Variants in KCNIP1 observed in about 807,000 individuals in gnomAD.
The protein encoded by KCNIP1 is A-type potassium channel modulatory protein KCNIP1.
KCNIP1 carries 18 observed loss-of-function variants against 33.0 expected under a neutral mutation model. The ratio of observed to expected loss-of-function variants is 0.55; its 90% confidence interval spans 0.38 to 0.81. The LOEUF is 0.81. Among genes scored for constraint, KCNIP1 ranks in the 30% least tolerant of loss-of-function variants. The pLI, the probability that KCNIP1 is intolerant of heterozygous loss-of-function variation, is 0.00. For missense variants in KCNIP1, 238 were observed against 271.6 expected, an observed-to-expected ratio of 0.88 and a Z score of 0.87; for synonymous variants, 93 against 98.3, an observed-to-expected ratio of 0.95 and a Z score of 0.32.
intron 1 of KCNIP1, among the ~76,000 whole-genome samples, chr5:170,684,888 G>A (rs990099682): frequency 6.6e-6 from 1 of 152,120 alleles, no homozygotes; most frequent in African/African-American, 2.4e-5. Flanking sequence ...TTACTTACAT[G>A]TTGACTTGAA....
intron 4 of KCNIP1, among the ~76,000 whole-genome samples, chr5:170,722,108 G>T (rs1159671053): frequency 3.9e-5 from 6 of 152,172 alleles, no homozygotes; most frequent in South Asian, 2.1e-4. Context: ...GGACTCAGGG[G>T]ACTAATAACA....
intron 1 of KCNIP1, among the ~76,000 whole-genome samples, chr5:170,701,186 A>G (rs1457762934): frequency 6.6e-6 from 1 of 152,238 alleles, no homozygotes; most frequent in Non-Finnish European, 1.5e-5. Context: ...CTTATAGGCG[A>G]AAAGGGTTTC....
At chr5:170,459,121 C>A (rs550361781) in intron 1 of KCNIP1, among the ~76,000 whole-genome samples, 1 of 151,960 alleles carries the variant, frequency 6.6e-6, no homozygotes, top group African/African-American at 2.4e-5. Flanking sequence ...TGATAAAAGG[C>A]CTTGACCAAC....
chr5:170,517,689 G>T (rs1287750231), intron 1 of KCNIP1, among the ~76,000 whole-genome samples: 3 of 151,870 alleles, frequency 2.0e-5, no homozygotes, highest in African/African-American at 2.4e-5. Context: ...AGTGACGGTG[G>T]TGATGATGGT....
intron 1 of KCNIP1, among the ~76,000 whole-genome samples, chr5:170,519,964 G>T (rs1035020787): frequency 6.6e-6 from 1 of 152,110 alleles, no homozygotes; most frequent in Non-Finnish European, 1.5e-5. Flanking sequence ...ATGAAGAAAT[G>T]AACAGAATCT....
intron 1 of KCNIP1, among the ~76,000 whole-genome samples, chr5:170,614,257 A>G (rs779014727): frequency 1.3e-5 from 2 of 152,200 alleles, no homozygotes; most frequent in Non-Finnish European, 2.9e-5. Flanking sequence ...TTGGGAGAAA[A>G]GGAATGCTGT....
At chr5:170,416,062 G>A (rs1467129107) in intron 1 of KCNIP1, among the ~76,000 whole-genome samples, 1 of 152,096 alleles carries the variant, frequency 6.6e-6, no homozygotes, top group Admixed American at 6.5e-5. Flanking sequence ...TGCAAACTCA[G>A]TTCCAGGAGT....
chr5:170,390,517 A>AAAAAAAAAAAAAAAAAAAAATATAT, intron 1 of KCNIP1, among the ~76,000 whole-genome samples: 2 of 74,546 alleles, frequency 2.7e-5, no homozygotes, highest in African/African-American at 1.3e-4. Flanking sequence ...AAAAAAAACA[A>AAAAAAAAAAAAAAAAAAAAATATAT]ATATATATAT....
In KCNIP1 at chr5:170,504,206, A is replaced by C; in HGVS notation, c.-367A>C. ...GGGCGGACGGCGGCTCCCGCACCGCACGCGGCGCTGGCTCGGCAGCCTCGG... is the reference window on the plus strand; with the variant it reads ...GGGCGGACGGCGGCTCCCGCACCGCCCGCGGCGCTGGCTCGGCAGCCTCGG... On this transcript the variant is annotated 5_prime_UTR_variant, in exon 1 of 8. Transcript: ENST00000328939. The surrounding 1 kb of genome is among the most constrained non-coding windows in gnomAD (Gnocchi z 6.0). The C allele has an allele frequency of 9.6e-7, 1 of 1,039,550 alleles. No individual in the cohort carries two copies. The allele number at this position is 1,039,550 out of a possible 1,614,324, so 64.4% of individuals were successfully genotyped here. A position where few individuals can be genotyped will look rare whatever the true frequency, so the allele number is the denominator to read the frequency against.
intron 5 of KCNIP1, among the ~76,000 whole-genome samples, chr5:170,723,297 G>A (rs1763895568): frequency 6.6e-6 from 1 of 152,152 alleles, no homozygotes; most frequent in Non-Finnish European, 1.5e-5. Context: ...GGTAATGGAA[G>A]GTACAGCTGT....
chr5:170,563,793 C>T (rs1757117270), intron 1 of KCNIP1, among the ~76,000 whole-genome samples: 1 of 152,048 alleles, frequency 6.6e-6, no homozygotes. Flanking sequence ...GGCATGTGCC[C>T]CCACACCTGG....
At chr5:170,701,805 T>C (rs951720806) in intron 1 of KCNIP1, among the ~76,000 whole-genome samples, 2 of 152,130 alleles carry the variant, frequency 1.3e-5, no homozygotes, top group Non-Finnish European at 2.9e-5. Context: ...TTTCCTGTTG[T>C]TGGCAACTGA....
At chr5:170,571,694 G>T (rs1200247769) in intron 1 of KCNIP1, among the ~76,000 whole-genome samples, 1 of 152,124 alleles carries the variant, frequency 6.6e-6, no homozygotes, top group East Asian at 1.9e-4. Context: ...AGGGTTGCCG[G>T]TACATGGCAG....
chr5:170,410,579 G>A (rs957690738), intron 1 of KCNIP1, among the ~76,000 whole-genome samples: 11 of 152,032 alleles, frequency 7.2e-5, no homozygotes, highest in South Asian at 2.1e-4. Flanking sequence ...AGGCCCTGTG[G>A]AAAGGGAACT....
At chr5:170,649,594 G>A (rs1320030614) in intron 1 of KCNIP1, among the ~76,000 whole-genome samples, 1 of 152,178 alleles carries the variant, frequency 6.6e-6, no homozygotes, top group Non-Finnish European at 1.5e-5. Flanking sequence ...CCCAAATCCA[G>A]TGCTTACAAG....
At chr5:170,676,298 A>G (rs1762144029) in intron 1 of KCNIP1, among the ~76,000 whole-genome samples, 1 of 152,192 alleles carries the variant, frequency 6.6e-6, no homozygotes, top group Non-Finnish European at 1.5e-5. Context: ...AACTAATTTA[A>G]ACAAACCCAT....
intron 1 of KCNIP1, among the ~76,000 whole-genome samples, chr5:170,457,799 C>A (rs536785006): frequency 5.3e-5 from 8 of 152,214 alleles, no homozygotes; most frequent in East Asian, 3.9e-4. Context: ...TAATACCCCC[C>A]AAAAAATCAC....
intron 1 of KCNIP1, chr5:170,374,965 C>T (rs1331734607): frequency 1.3e-5 from 2 of 152,162 alleles, no homozygotes; most frequent in African/African-American, 2.4e-5. Context: ...TCTAGAGGAA[C>T]ATGGCCTTTT....
intron 1 of KCNIP1, among the ~76,000 whole-genome samples, chr5:170,514,565 A>C (rs1755058118): frequency 6.6e-6 from 1 of 152,246 alleles, no homozygotes; most frequent in African/African-American, 2.4e-5. Context: ...CTACACAGGC[A>C]TTTCAAAGGA....
Sources: allele counts gnomAD v4.1 joint callset (sites outside exome capture counted in the v4.1 genomes callset), GRCh38; gene constraint gnomAD v4.1.1; non-coding constraint Gnocchi (gnomAD v3.1); transcripts MANE v1.5; gene names NCBI Gene and HGNC (gene_info 2026-07-23, HGNC 2026-07-21).